FIGNL2: variants seen among roughly 807,000 people sequenced by gnomAD.
FIGNL2 encodes fidgetin like 2, also known as fidgetin-like protein 2.
For missense variants in FIGNL2, 1,060 were observed against 950.2 expected (o/e 1.12, Z -1.52); for synonymous variants, 565 against 484.0 (o/e 1.17, Z -2.20).
At chr12:51,844,863 C>T in intron 1 of FIGNL2, 1 of 985,426 alleles carries the variant, frequency 1.0e-6, no homozygotes, top group Non-Finnish European at 1.2e-6. Context: ...TCTCATACCC[C>T]TGGTCGCTTG....
intron 1 of FIGNL2, among the ~76,000 whole-genome samples, chr12:51,833,138 C>T (rs1179896907): frequency 6.6e-6 from 1 of 152,084 alleles, no homozygotes; most frequent in Non-Finnish European, 1.5e-5. Flanking sequence ...GCCTGGACCT[C>T]CCAGGCTCAA....
At chr12:51,844,788 C>T in intron 1 of FIGNL2, 1 of 985,424 alleles carries the variant, frequency 1.0e-6, no homozygotes, top group Non-Finnish European at 1.2e-6. Context: ...GATGAGATGA[C>T]CAGCCCAGAC....
chr12:51,828,952 A>G (rs1022756735), intron 1 of FIGNL2, among the ~76,000 whole-genome samples: 5 of 151,994 alleles, frequency 3.3e-5, no homozygotes, highest in African/African-American at 1.2e-4. Context: ...CCCTCCTCCA[A>G]CCCCCGAAGG....
At position 51,821,793 on chromosome 12, in the gene FIGNL2, T is replaced by A; in HGVS notation, c.621A>T (p.Ala207=). 2 of 1,274,786 alleles carry A rather than the reference T, an allele frequency of 1.6e-6. No homozygotes were observed. Among genetic ancestry groups the A allele is most frequent in the Non-Finnish European group, 2.0e-6 (2 of 1,016,478 alleles). The allele number at this position is 1,274,786 out of a possible 1,614,324, so 79.0% of individuals were successfully genotyped here. A position where few individuals can be genotyped will look rare whatever the true frequency, so the allele number is the denominator to read the frequency against. ...GPSAPLYNYP[A]GGYAAQPGYG... ...AGCCGGGCTGCGCTGCGTAGCCCCC[T>A]GCGGGATAGTTGTACAGCGGCGCTG... The change falls in exon 2 of 2, where the codon GCA becomes GCT. Residue 207 remains alanine (A), a synonymous_variant. Transcript: ENST00000618634.
intron 1 of FIGNL2, chr12:51,828,510 G>A (rs1939390577): frequency 6.6e-6 from 1 of 152,214 alleles, no homozygotes; most frequent in Non-Finnish European, 1.5e-5. Context: ...CGGGATGGAA[G>A]AGTAAAGTCA....
rs901606843 is a variant in FIGNL2 at position 51,822,100 on chromosome 12, G to C, written c.314C>G (p.Pro105Arg). ...TTCGTGGAGTGAGGCCAAGGGGTAG[G>C]GTGGCTCCGGCCCTGGCCAGGGCTC... ...DPEPWPGPEP[P>R]YPLASLHEGL... The change falls in exon 2 of 2, where the codon CCC becomes CGC. Residue 105 changes from proline to arginine, a missense_variant. By Grantham distance (103) the Pro-to-Arg change is moderately radical. Coordinates refer to ENST00000618634, the MANE Select transcript of FIGNL2 (RefSeq NM_001384995.1). 6.2e-7 allele frequency: 1 copy of C among 1,611,182 alleles called. No individual in the cohort carries two copies. The highest frequency in any genetic ancestry group is 8.5e-7 in the Non-Finnish European group (1 of 1,178,806).
Position 51,820,952 on chromosome 12 carries a change from G to A in FIGNL2, c.1462C>T (p.Leu488Phe). ...AGCGCCTCTAGCTCGCTGATGAGGA[G>A]TACGGAGGGTGGGCGGCAGCGCGCG... ...AAARCRPPSV[L>F]LISELEALLP... is the part of the protein sequence containing the mutation. Residue 488 changes from leucine to phenylalanine, a missense_variant, in exon 2 of 2, where the codon CTC (leucine) becomes TTC (phenylalanine). By Grantham distance (22) the Leu-to-Phe change is conservative (BLOSUM62 0). Coordinates refer to ENST00000618634, the MANE Select transcript of FIGNL2 (RefSeq NM_001384995.1). 1 of 1,248,078 alleles carries A rather than the reference G, an allele frequency of 8.0e-7. No homozygotes were observed. The highest frequency in any genetic ancestry group is 1.0e-6 in the Non-Finnish European group (1 of 999,678). 77.3% of individuals were successfully genotyped at this position (1,248,078 alleles called of 1,614,324 possible).
chr12:51,837,430 C>G (rs1010896214), intron 1 of FIGNL2, among the ~76,000 whole-genome samples: 1 of 152,166 alleles, frequency 6.6e-6, no homozygotes, highest in East Asian at 1.9e-4. Context: ...CCTGCCGGTA[C>G]CCCCTGTGAC....
intron 1 of FIGNL2, among the ~76,000 whole-genome samples, chr12:51,839,322 C>T (rs1429306291): frequency 2.6e-5 from 4 of 152,166 alleles, no homozygotes; most frequent in Non-Finnish European, 5.9e-5. Context: ...TCCATCTCTT[C>T]AGCTAGGCTG....
rs1185504478 is a variant in FIGNL2, at chr12:51,821,306, C to A, written c.1108G>T (p.Val370Leu). 2.6e-6 allele frequency: 4 copies of A among 1,523,532 alleles called. No individual in the cohort carries two copies. 94.4% of individuals were successfully genotyped at this position (1,523,532 alleles called of 1,614,324 possible). The change falls in exon 2 of 2, where the codon GTG (valine) becomes TTG (leucine). Residue 370 changes from valine to leucine, a missense_variant. Coordinates refer to ENST00000618634, the MANE Select transcript of FIGNL2 (RefSeq NM_001384995.1). ...ACCAGCTCCAGGGCCCCAGGGTCCA[C>A]GCCTTTGGGAGTCTCCCCCGACGGC... ...AVPSGETPKG[V>L]DPGALELVTS... is the part of the protein sequence containing the mutation.
At chr12:51,827,718 GT>G (rs1592188887) in intron 1 of FIGNL2, among the ~76,000 whole-genome samples, 1 of 152,232 alleles carries the variant, frequency 6.6e-6, no homozygotes, top group Non-Finnish European at 1.5e-5. Flanking sequence ...CTTGGTGAAT[GT>G]TCTGTGAAAA....
intron 1 of FIGNL2, 115 bp downstream of exon 1, chr12:51,848,425 G>C: frequency 1.0e-6 from 1 of 982,778 alleles, no homozygotes; most frequent in Non-Finnish European, 1.2e-6. Flanking sequence ...CCCGCGACTA[G>C]CAGCCCCCGC....
chr12:51,837,025 C>T (rs532259053), intron 1 of FIGNL2, among the ~76,000 whole-genome samples: 2 of 152,288 alleles, frequency 1.3e-5, no homozygotes, highest in African/African-American at 4.8e-5. Flanking sequence ...AGTGTATTAG[C>T]ACATTTGAAC....
chr12:51,820,905 G>A lies in FIGNL2; in HGVS notation c.1509C>T (p.Gly503=). The A allele has an allele frequency of 7.5e-7, 1 of 1,335,466 alleles. No individual in the cohort carries two copies. Among genetic ancestry groups the A allele is most frequent in the Non-Finnish European group, 9.5e-7 (1 of 1,051,324 alleles). The allele number at this position is 1,335,466 out of a possible 1,614,324, so 82.7% of individuals were successfully genotyped here. A position where few individuals can be genotyped will look rare whatever the true frequency, so the allele number is the denominator to read the frequency against. The change falls in exon 2 of 2, where the codon GGC becomes GGT. Residue 503 remains glycine, a synonymous_variant. Coordinates refer to ENST00000618634, the MANE Select transcript of FIGNL2 (RefSeq NM_001384995.1). ...CCTGCAGCGCGCCCCCTGCCGCCGC[G>A]CCGTCGTCCCGGGCGGGGAGCAGCG... ...LEALLPARDD[G]AAAGGALQVP...
rs1296758327 is a variant in FIGNL2 at position 51,821,609 on chromosome 12, C to A, written c.805G>T (p.Ala269Ser). The stretch of plus-strand genomic sequence containing the variant: ...CGGCCCTCGGGCCCCTCGTCGGCGG[C>A]CTTGCGCTTCAGCGACAGCCCGGAT... ...AESGLSLKRK[A>S]ADEGPEGRYR... Residue 269 changes from alanine to serine, a missense_variant, in exon 2 of 2, where the codon GCC (alanine) becomes TCC (serine). Ala to Ser is a moderately conservative substitution (Grantham distance 99). Transcript: ENST00000618634. 2.7e-6 allele frequency: 4 copies of A among 1,501,972 alleles called. No homozygotes were observed. Among genetic ancestry groups the A allele is most frequent in the African/African-American group, 2.9e-5 (2 of 68,944 alleles). The allele number at this position is 1,501,972 out of a possible 1,614,324, so 93.0% of individuals were successfully genotyped here.
chr12:51,821,458 T>G lies in FIGNL2; in HGVS notation c.956A>C (p.Glu319Ala), dbSNP rs775166136. The G allele has an allele frequency of 5.2e-6, 8 of 1,539,466 alleles. No homozygotes were observed. Among genetic ancestry groups the G allele is most frequent in the Middle Eastern group, 1.7e-4 (1 of 5,926 alleles). The part of the protein sequence containing the change: ...FRAKPPGAAE[E>A]ASGKYGGGVP... The stretch of plus-strand genomic sequence containing the variant: ...GCCGCCACCGTACTTGCCCGACGCC[T>G]CCTCCGCGGCTCCTGGCGGCTTGGC... Residue 319 changes from glutamate (E) to alanine (A), a missense_variant, in exon 2 of 2, where the codon GAG (glutamate) becomes GCG (alanine). Coordinates refer to ENST00000618634, the MANE Select transcript of FIGNL2 (RefSeq NM_001384995.1).
rs112237904 is a variant in FIGNL2 at position 51,834,101 on chromosome 12, A to T, written c.-11-11677T>A. Among the ~76,000 whole-genome samples the T allele has an allele frequency of 4.2e-4, 47 of 110,590 alleles. 2 individuals carry two copies. The highest frequency in any genetic ancestry group is 7.9e-4 in the Non-Finnish European group (41 of 51,634). 72.6% of individuals were successfully genotyped at this position (110,590 alleles called of 152,430 possible). On this transcript the variant is annotated intron_variant, in intron 1 of 1. Coordinates refer to ENST00000618634, the MANE Select transcript of FIGNL2 (RefSeq NM_001384995.1). ...AATAGACAGACAGACGGATGGGTGGATGGATGGTTGGATGGATGGATGGAT... is the reference window on the plus strand; with the variant it reads ...AATAGACAGACAGACGGATGGGTGGTTGGATGGTTGGATGGATGGATGGAT...
At chr12:51,834,417 T>C (rs73301604) in intron 1 of FIGNL2, among the ~76,000 whole-genome samples, 23 of 152,226 alleles carry the variant, frequency 1.5e-4, no homozygotes, top group South Asian at 1.5e-3. Context: ...CCCCACCCCA[T>C]TGGGCTTCTG....
At chr12:51,848,431 C>G in intron 1 of FIGNL2, 109 bp downstream of exon 1, 2 of 982,828 alleles carry the variant, frequency 2.0e-6, no homozygotes, top group Non-Finnish European at 1.2e-6. Flanking sequence ...ACTAGCAGCC[C>G]CCGCCCTCTC....
Sources: allele counts gnomAD v4.1 joint callset (sites outside exome capture counted in the v4.1 genomes callset), GRCh38; gene constraint gnomAD v4.1.1; transcripts MANE v1.5; gene names NCBI Gene and HGNC (gene_info 2026-07-23, HGNC 2026-07-21).